Variants in LUZP1 observed in about 807,000 individuals in gnomAD.
LUZP1 encodes leucine zipper protein 1.
Under a neutral mutation model 71.3 loss-of-function variants are expected in LUZP1, and 25 were observed. The ratio of observed to expected loss-of-function variants is 0.35; its 90% CI spans 0.26 to 0.49. The LOEUF (loss-of-function observed/expected upper bound fraction) is 0.49. LUZP1 is among the 20% of genes least tolerant of loss of function. The pLI, the probability that LUZP1 is intolerant of heterozygous loss-of-function variation, is 0.99. For synonymous variants in LUZP1, 481 were observed against 506.4 expected, an observed-to-expected ratio of 0.95 and a Z score of 0.67; for missense variants, 1,142 against 1,300.8, an observed-to-expected ratio of 0.88 and a Z score of 1.88.
At chr1:23,089,675 C>G (rs945049862) in intron 4 of LUZP1, among the ~76,000 whole-genome samples, 4 of 152,182 alleles carry the variant, frequency 2.6e-5, no homozygotes, top group Non-Finnish European at 5.9e-5. Context: ...TCACTGCAAC[C>G]TCCGTCTCCT....
chr1:23,105,107 C>A (rs900781054), intron 3 of LUZP1, among the ~76,000 whole-genome samples: 1 of 152,168 alleles, frequency 6.6e-6, no homozygotes, highest in Non-Finnish European at 1.5e-5. Flanking sequence ...ACAATCAGAA[C>A]TGCAGTTTTT....
At chr1:23,136,707 G>T (rs571376846) in intron 2 of LUZP1, among the ~76,000 whole-genome samples, 19 of 152,252 alleles carry the variant, frequency 1.2e-4, no homozygotes, top group Admixed American at 1.2e-3. Context: ...AGGAGATCGA[G>T]ACCATCCTGG....
chr1:23,126,068 TG>T (rs1275483832), intron 2 of LUZP1, among the ~76,000 whole-genome samples: 1 of 152,178 alleles, frequency 6.6e-6, no homozygotes, highest in African/African-American at 2.4e-5. Context: ...TTTAAAATAC[TG>T]TGAAGTGTGT....
At chr1:23,155,716 T>G (rs1644416545) in intron 2 of LUZP1, among the ~76,000 whole-genome samples, 1 of 152,206 alleles carries the variant, frequency 6.6e-6, no homozygotes, top group Admixed American at 6.5e-5. Flanking sequence ...CTCGGAAGGC[T>G]GAGATGAGGG....
At chr1:23,140,378 C>A (rs1197166869) in intron 2 of LUZP1, 2 of 152,182 alleles carry the variant, frequency 1.3e-5, no homozygotes, top group Admixed American at 6.5e-5. Flanking sequence ...AGCAGAACCC[C>A]AAGCAGTTCA....
chr1:23,087,714 A>G (rs577841547), exon 5 of LUZP1: 1 of 152,750 alleles, frequency 6.5e-6, no homozygotes, highest in East Asian at 1.9e-4. Context: ...GAACCTAACC[A>G]ATTTATTTAC....
chr1:23,165,038 T>C (rs1569710613), intron 2 of LUZP1, among the ~76,000 whole-genome samples: 2 of 152,230 alleles, frequency 1.3e-5, no homozygotes, highest in African/African-American at 4.8e-5. Context: ...TTATTTATCT[T>C]TCCCCTAATC....
intron 3 of LUZP1, among the ~76,000 whole-genome samples, chr1:23,100,523 C>T (rs1299224498): frequency 6.6e-6 from 1 of 152,226 alleles, no homozygotes; most frequent in Non-Finnish European, 1.5e-5. Flanking sequence ...AACCACAACA[C>T]TCACAGGATG....
At chr1:23,101,478 A>T (rs1475553096) in intron 3 of LUZP1, among the ~76,000 whole-genome samples, 1 of 152,186 alleles carries the variant, frequency 6.6e-6, no homozygotes, top group Non-Finnish European at 1.5e-5. Flanking sequence ...TGGCCAAGTC[A>T]CTGATTTTCT....
intron 2 of LUZP1, among the ~76,000 whole-genome samples, chr1:23,138,079 T>A (rs1644268947): frequency 6.6e-6 from 1 of 152,234 alleles, no homozygotes; most frequent in Non-Finnish European, 1.5e-5. Context: ...CAAGCAATTC[T>A]CCTGTCTTAG....
intron 2 of LUZP1, among the ~76,000 whole-genome samples, chr1:23,155,080 T>C (rs1176758169): frequency 1.3e-5 from 2 of 152,146 alleles, no homozygotes; most frequent in African/African-American, 4.8e-5. Context: ...ACACTAAGAA[T>C]ATATCATATT....
At chr1:23,152,677 C>A (rs1012006111) in intron 2 of LUZP1, among the ~76,000 whole-genome samples, 8 of 151,962 alleles carry the variant, frequency 5.3e-5, no homozygotes, top group Non-Finnish European at 1.2e-4. Context: ...ATTACAGGCG[C>A]CCACCACCAT....
intron 2 of LUZP1, among the ~76,000 whole-genome samples, chr1:23,126,647 G>A (rs1316091092): frequency 1.3e-5 from 2 of 152,134 alleles, no homozygotes; most frequent in East Asian, 1.9e-4. Flanking sequence ...GTTTAAATAC[G>A]AAGAAGGCAC....
chr1:23,171,734 G>A (rs1644554052), intron 1 of LUZP1, among the ~76,000 whole-genome samples: 1 of 152,232 alleles, frequency 6.6e-6, no homozygotes, highest in African/African-American at 2.4e-5. Flanking sequence ...ACCACTTCCT[G>A]TGAAAAGTAA....
chr1:23,091,661 C>T, exon 4 of LUZP1: 1 of 1,614,064 alleles, frequency 6.2e-7, no homozygotes, highest in Non-Finnish European at 8.5e-7. Flanking sequence ...CTGGCCTGTC[C>T]TTCAGGGGCC....
At chr1:23,133,149 C>T (rs1644227717) in intron 2 of LUZP1, among the ~76,000 whole-genome samples, 1 of 152,188 alleles carries the variant, frequency 6.6e-6, no homozygotes, top group Non-Finnish European at 1.5e-5. Flanking sequence ...ATCTTTCAGC[C>T]TTATCCTCCC....
chr1:23,176,151 T>G (rs1260457214), intron 1 of LUZP1, among the ~76,000 whole-genome samples: 1 of 146,048 alleles, frequency 6.8e-6, no homozygotes, highest in East Asian at 2.2e-4. Context: ...AACCACCACC[T>G]CCTGGGTTCA....
At chr1:23,138,681 GTGTGTGTGTGTGTGTGTATATATA>G (rs1644274800) in intron 2 of LUZP1, among the ~76,000 whole-genome samples, 1 of 104,280 alleles carries the variant, frequency 9.6e-6, no homozygotes, top group Non-Finnish European at 1.8e-5. Context: ...GTGTGTGTGT[GTGTGTGTGTGTGTGTGTATATATA>G]TATATATATA....
chr1:23,089,129 A>G, intron 4 of LUZP1, 76 bp from the exon 4 acceptor site: 1 of 1,448,890 alleles, frequency 6.9e-7, no homozygotes, highest in Non-Finnish European at 9.6e-7. Flanking sequence ...CTGCTACCAT[A>G]GTGGGTCCTT....
Sources: gnomAD v4.1 joint callset for allele counts (sites outside exome capture counted in the v4.1 genomes callset) on GRCh38, gnomAD v4.1.1 for gene constraint, MANE v1.5 for transcripts, NCBI Gene and HGNC (gene_info 2026-07-23, HGNC 2026-07-21) for gene names.